Variants in ACOT7 observed in about 807,000 individuals in gnomAD.
The protein encoded by ACOT7 is acyl-CoA thioesterase 7.
A neutral mutation model predicts 40.2 loss-of-function variants in ACOT7; 12 were observed. The ratio of observed to expected loss-of-function variants is 0.30; its 90% CI spans 0.19 to 0.48. The LOEUF is 0.48. Among genes scored for constraint, ACOT7 ranks in the 20% least tolerant of loss-of-function variants. The pLI, the probability that ACOT7 is intolerant of heterozygous loss-of-function variation, is 0.99. For synonymous variants in ACOT7, 228 were observed against 219.5 expected (o/e 1.04, Z -0.34); for missense variants, 395 against 530.8 (o/e 0.74, Z 2.51).
At chr1:6,354,995 C>CGAT (rs1179804026) in intron 1 of ACOT7, among the ~76,000 whole-genome samples, 1 of 152,042 alleles carries the variant, frequency 6.6e-6, no homozygotes, top group African/African-American at 2.4e-5. Context: ...AATAAAGACT[C>CGAT]AATCTCCTAG....
In ACOT7 at chr1:6,334,882, G is replaced by C. The variant is rs148057260; in HGVS notation, c.419-1314C>G. Among the ~76,000 whole-genome samples the C allele has an allele frequency of 2.6e-5, 4 of 152,316 alleles. No homozygotes were observed. The East Asian group carries it at 7.7e-4, about 29-fold the overall frequency. Reference sequence around the variant, plus strand: ...AGTCATTTCAGAGAAGTATCTGCAAGGATGCCTTTAAAAAGTGGCTTTGTC... The same window carrying C: ...AGTCATTTCAGAGAAGTATCTGCAACGATGCCTTTAAAAAGTGGCTTTGTC... On this transcript the variant is annotated intron_variant, in intron 3 of 8. Coordinates refer to ENST00000361521, the MANE Select transcript of ACOT7 (RefSeq NM_007274.4).
In ACOT7 at chr1:6,323,737, A is replaced by AAAAAT. The variant is rs1553158667; in HGVS notation, c.625+3561_625+3562insATTTT. ...GTCTCAAAAAAAAAAAAAAAAAAAA[A>AAAAAT]ATATATATATATATATATATATATA... On this transcript the variant is annotated intron_variant, in intron 5 of 8. Transcript: ENST00000361521. Among the ~76,000 whole-genome samples the AAAAAT allele has an allele frequency of 1.6e-4, 6 of 38,416 alleles. No homozygotes were observed. In the East Asian group the frequency reaches 2.0e-3, roughly 13 times the overall value. The allele number at this position is 38,416 out of a possible 152,430, so 25.2% of individuals were successfully genotyped here. A position where few individuals can be genotyped will look rare whatever the true frequency, so the allele number is the denominator to read the frequency against.
chr1:6,391,840 G>A (rs531247801), intron 1 of ACOT7, among the ~76,000 whole-genome samples: 1 of 152,196 alleles, frequency 6.6e-6, no homozygotes, highest in Non-Finnish European at 1.5e-5. Flanking sequence ...GGATGAGACA[G>A]GTATAAGCTC....
At chr1:6,281,610 C>CA (rs577706230) in intron 7 of ACOT7, among the ~76,000 whole-genome samples, 52 of 152,338 alleles carry the variant, frequency 3.4e-4, no homozygotes, top group African/African-American at 1.2e-3. Context: ...ACTGTGCCCC[C>CA]ACGGGGGAGG....
intron 2 of ACOT7, among the ~76,000 whole-genome samples, chr1:6,349,013 G>C (rs1380098649): frequency 6.6e-6 from 1 of 152,224 alleles, no homozygotes; most frequent in Non-Finnish European, 1.5e-5. Flanking sequence ...CCATAGTGCA[G>C]AGGCTGCAGC....
intron 1 of ACOT7, among the ~76,000 whole-genome samples, chr1:6,384,749 A>C (rs1401879895): frequency 2.0e-5 from 3 of 151,790 alleles, no homozygotes; most frequent in Non-Finnish European, 2.9e-5. Context: ...TCTCATTAGC[A>C]TACTAGACAC....
chr1:6,365,532 G>T (rs1641986704), intron 1 of ACOT7, among the ~76,000 whole-genome samples: 1 of 152,074 alleles, frequency 6.6e-6, no homozygotes, highest in Admixed American at 6.6e-5. Context: ...CACTTTGGGA[G>T]GCCAAGGTGG....
intron 4 of ACOT7, among the ~76,000 whole-genome samples, chr1:6,328,042 G>C (rs1292280116): frequency 2.0e-5 from 3 of 152,166 alleles, no homozygotes; most frequent in Admixed American, 1.3e-4. Context: ...AAAGTGCTGG[G>C]ATTACAGGCG....
chr1:6,315,611 C>T (rs561003478), intron 6 of ACOT7, among the ~76,000 whole-genome samples: 17 of 151,848 alleles, frequency 1.1e-4, no homozygotes, highest in African/African-American at 4.1e-4. Flanking sequence ...ATTATCTGGG[C>T]GTGGTGGCGG....
intron 2 of ACOT7, among the ~76,000 whole-genome samples, chr1:6,344,200 C>T (rs964228337): frequency 9.2e-5 from 14 of 152,188 alleles, no homozygotes; most frequent in African/African-American, 3.4e-4. Context: ...GGCAGGCTGC[C>T]AGGCCTTGCA....
chr1:6,377,537 T>A (rs1025177590), intron 1 of ACOT7, among the ~76,000 whole-genome samples: 8 of 152,160 alleles, frequency 5.3e-5, no homozygotes, highest in African/African-American at 1.9e-4. Context: ...TTCAGGCTGG[T>A]TTATGAGTGT....
chr1:6,324,293 C>G (rs879495968), intron 5 of ACOT7, among the ~76,000 whole-genome samples: 1 of 151,998 alleles, frequency 6.6e-6, no homozygotes, highest in Non-Finnish European at 1.5e-5. Context: ...ATTTAAAAGC[C>G]GAGTCTCTAA....
At chr1:6,309,741 C>T (rs59003409) in intron 6 of ACOT7, among the ~76,000 whole-genome samples, 17,206 of 152,180 alleles carry the variant, frequency 0.11, 1,902 homozygotes, top group African/African-American at 0.28. Flanking sequence ...ATAATTAAAA[C>T]GCTCTTTGTG....
rs1234872407 is a variant in ACOT7 at position 6,274,586 on chromosome 1, TG to T, written c.1014+6515del. On this transcript the variant is annotated intron_variant, in intron 8 of 8. Coordinates refer to ENST00000361521, the MANE Select transcript of ACOT7 (RefSeq NM_007274.4). This position sits in a 1 kb window ranked among gnomAD's most constrained non-coding sequence, Gnocchi z 5.9. Reference sequence around the variant, plus strand: ...TCATAGGGCAGCAGCAGAAGCGAGGTGGGCACCATGTTCCAGAGCCTTCTGA... The same window carrying T: ...TCATAGGGCAGCAGCAGAAGCGAGGTGGCACCATGTTCCAGAGCCTTCTGA... 6.6e-6 allele frequency among the ~76,000 whole-genome samples: 1 copy of T among 152,116 alleles called. No individual in the cohort carries two copies.
chr1:6,329,568 C>T (rs886896218), intron 4 of ACOT7, among the ~76,000 whole-genome samples: 12 of 151,772 alleles, frequency 7.9e-5, no homozygotes, highest in African/African-American at 1.7e-4. Context: ...GCTTGGCAGG[C>T]GCACAGGGAA....
Position 6,282,266 on chromosome 1 carries a change from C to T in ACOT7, c.830-980G>A, listed in dbSNP as rs528598200. On this transcript the variant is annotated intron_variant, in intron 7 of 8. Transcript: ENST00000361521. The surrounding 1 kb of genome is among the most constrained non-coding windows in gnomAD (Gnocchi z 4.5). ...TTCCCTATAGGCAGGCATGAGACACCCTGCCTGGGGGATAGCTACGGGATG... is the reference window on the plus strand; with the variant it reads ...TTCCCTATAGGCAGGCATGAGACACTCTGCCTGGGGGATAGCTACGGGATG... Among the ~76,000 whole-genome samples, 5 of 152,250 alleles carry T rather than the reference C, an allele frequency of 3.3e-5. No individual in the cohort carries two copies. In the East Asian group the frequency reaches 7.7e-4, roughly 24 times the overall value.
chr1:6,358,906 A>G lies in ACOT7; in HGVS notation c.144-9040T>C. 6.2e-7 allele frequency: 1 copy of G among 1,604,424 alleles called. No individual in the cohort carries two copies. Among genetic ancestry groups the G allele is most frequent in the Non-Finnish European group, 8.5e-7 (1 of 1,175,446 alleles). ...AGGCGAGGGAGCAGGGAAGCATCACAGAGTCCTTGCCTGACCCAGGACTGT... is the reference window on the plus strand; with the variant it reads ...AGGCGAGGGAGCAGGGAAGCATCACGGAGTCCTTGCCTGACCCAGGACTGT... On this transcript the variant is annotated intron_variant, in intron 1 of 8. Transcript: ENST00000361521. This position sits in a 1 kb window ranked among gnomAD's most constrained non-coding sequence, Gnocchi z 4.1.
In ACOT7 at chr1:6,330,824, C is replaced by T. The variant is rs1006059829; in HGVS notation, c.510+2653G>A. ...AAGTGACTGTGTTCAGGTCCAGGCCCGCCCCTCGGTATCACCCGCCTGAGA... is the reference window on the plus strand; with the variant it reads ...AAGTGACTGTGTTCAGGTCCAGGCCTGCCCCTCGGTATCACCCGCCTGAGA... On this transcript the variant is annotated intron_variant, in intron 4 of 8. Transcript: ENST00000361521. This position sits in a 1 kb window ranked among gnomAD's most constrained non-coding sequence, Gnocchi z 4.6. 2.6e-5 allele frequency among the ~76,000 whole-genome samples: 4 copies of T among 152,182 alleles called. No homozygotes were observed. The highest frequency in any genetic ancestry group is 4.8e-5 in the African/African-American group (2 of 41,458).
intron 5 of ACOT7, among the ~76,000 whole-genome samples, chr1:6,325,423 C>T (rs1456970724): frequency 6.6e-6 from 1 of 151,604 alleles, no homozygotes; most frequent in Non-Finnish European, 1.5e-5. Flanking sequence ...AAAGATATCT[C>T]TTTACTGGGG....
Sources: allele counts gnomAD v4.1 joint callset (sites outside exome capture counted in the v4.1 genomes callset), GRCh38; gene constraint gnomAD v4.1.1; non-coding constraint Gnocchi (gnomAD v3.1); transcripts MANE v1.5; gene names NCBI Gene and HGNC (gene_info 2026-07-23, HGNC 2026-07-21).